The following ASAP1 variants were observed in gnomAD, a reference collection of about 807,000 sequenced individuals.
ASAP1 encodes arf-GAP with SH3 domain, ANK repeat and PH domain-containing protein 1.
In ASAP1, 43 loss-of-function variants were observed where a neutral mutation model predicts 145.2. The ratio of observed to expected loss-of-function variants is 0.30; its 90% confidence interval spans 0.23 to 0.38. ASAP1 has a LOEUF of 0.38. Ranked by LOEUF, ASAP1 falls within the 10% of genes least tolerant of loss-of-function variation. The probability of loss-of-function intolerance (pLI) is 1.00; values close to 1 mark genes in which losing one functional copy is unlikely to be tolerated. For missense variants in ASAP1, 1,018 were observed against 1,355.3 expected, an observed-to-expected ratio of 0.75 and a Z score of 3.91; for synonymous variants, 546 against 515.5, an observed-to-expected ratio of 1.06 and a Z score of -0.80.
intron 5 of ASAP1, among the ~76,000 whole-genome samples, chr8:130,197,855 G>T (rs1815607242): frequency 6.6e-6 from 1 of 152,218 alleles, no homozygotes; most frequent in Non-Finnish European, 1.5e-5. Context: ...TGGGTTCCAT[G>T]AAGGTTGCCA....
intron 11 of ASAP1, among the ~76,000 whole-genome samples, chr8:130,164,484 G>A (rs1388480883): frequency 6.6e-6 from 1 of 152,126 alleles, no homozygotes; most frequent in African/African-American, 2.4e-5. Flanking sequence ...CCAGCTACTT[G>A]GGAGGCTGAG....
intron 3 of ASAP1, among the ~76,000 whole-genome samples, chr8:130,260,586 C>T (rs1002913267): frequency 2.0e-5 from 3 of 152,212 alleles, no homozygotes; most frequent in Non-Finnish European, 4.4e-5. Context: ...GCTCCCACTC[C>T]TGTGGCTTCT....
chr8:130,335,353 A>C lies in ASAP1; in HGVS notation c.186+22664T>G, dbSNP rs1170814398. ...GGTCACTTTATGACCCCTATTTTAC[A>C]GAGGAGAAACCAAGGCTTGGAGAAA... is the stretch of plus-strand genomic sequence containing the variant. On this transcript the variant is annotated intron_variant, in intron 3 of 29. Coordinates refer to ENST00000518721, the MANE Select transcript of ASAP1 (RefSeq NM_018482.4). Among the ~76,000 whole-genome samples, 5 of 152,210 alleles carry C rather than the reference A, an allele frequency of 3.3e-5. No individual in the cohort carries two copies. In the East Asian group the frequency reaches 9.6e-4, roughly 29 times the overall value.
intron 26 of ASAP1, among the ~76,000 whole-genome samples, chr8:130,078,879 A>G (rs951992035): frequency 8.5e-5 from 13 of 152,086 alleles, no homozygotes; most frequent in Non-Finnish European, 1.5e-4. Context: ...ACAGGGTTAT[A>G]AAGAGTACAT....
chr8:130,108,757 G>GTTTTTTTTTTTTTTTTTTTTTTTTT lies in ASAP1; in HGVS notation c.2401+3312_2401+3336dup, dbSNP rs10568607. Among the ~76,000 whole-genome samples the GTTTTTTTTTTTTTTTTTTTTTTTTT allele has an allele frequency of 3.9e-5, 2 of 51,524 alleles. 1 individual carries two copies. The allele number at this position is 51,524 out of a possible 152,430, so 33.8% of individuals were successfully genotyped here. A position where few individuals can be genotyped will look rare whatever the true frequency, so the allele number is the denominator to read the frequency against. On this transcript the variant is annotated intron_variant, in intron 24 of 29. Transcript: ENST00000518721. The stretch of plus-strand genomic sequence containing the variant: ...TAATCTTGGCAAGCCTCAAAAACCA[G>GTTTTTTTTTTTTTTTTTTTTTTTTT]TTTTTTTTTTTTTTTTTTTTTTTTT...
At chr8:130,200,210 T>A (rs1238689792) in intron 5 of ASAP1, among the ~76,000 whole-genome samples, 1 of 152,190 alleles carries the variant, frequency 6.6e-6, no homozygotes, top group Non-Finnish European at 1.5e-5. Flanking sequence ...GATTTCAAAC[T>A]ATTACATTTT....
At chr8:130,419,167 A>G (rs753170161) in intron 1 of ASAP1, among the ~76,000 whole-genome samples, 6 of 152,196 alleles carry the variant, frequency 3.9e-5, no homozygotes, top group Non-Finnish European at 7.3e-5. Flanking sequence ...CAGATGGTCC[A>G]AGGACTCCCC....
At chr8:130,070,846 AGG>A (rs1239217500) in intron 27 of ASAP1, among the ~76,000 whole-genome samples, 5 of 5,976 alleles carry the variant, frequency 8.4e-4, no homozygotes, top group Non-Finnish European at 1.1e-3. Flanking sequence ...AGAGGGAGAG[AGG>A]GAGAGAGAGG....
chr8:130,133,574 T>C (rs2097586716), intron 15 of ASAP1, among the ~76,000 whole-genome samples: 1 of 151,688 alleles, frequency 6.6e-6, no homozygotes, highest in Non-Finnish European at 1.5e-5. Flanking sequence ...GAGAATGGCG[T>C]GAACCCGGGA....
At chr8:130,148,375 G>A (rs2097637947) in intron 13 of ASAP1, among the ~76,000 whole-genome samples, 1 of 152,202 alleles carries the variant, frequency 6.6e-6, no homozygotes, top group Admixed American at 6.5e-5. Context: ...TATTCACTGA[G>A]CACTAAGTAC....
intron 1 of ASAP1, among the ~76,000 whole-genome samples, chr8:130,428,178 C>T (rs2138754465): frequency 6.6e-6 from 1 of 152,168 alleles, no homozygotes; most frequent in South Asian, 2.1e-4. Flanking sequence ...GAGGAACTGT[C>T]CCTCTTCAGT....
intron 3 of ASAP1, among the ~76,000 whole-genome samples, chr8:130,295,293 C>T (rs910770255): frequency 3.3e-5 from 5 of 151,930 alleles, no homozygotes; most frequent in Admixed American, 6.6e-5. Context: ...AAAGAAAAGT[C>T]CTAAATTCTC....
chr8:130,354,337 G>A (rs919528423), intron 3 of ASAP1, among the ~76,000 whole-genome samples: 21 of 152,202 alleles, frequency 1.4e-4, no homozygotes, highest in African/African-American at 4.8e-4. Flanking sequence ...AGAGGTAAAT[G>A]TAAGCATTCA....
intron 27 of ASAP1, among the ~76,000 whole-genome samples, chr8:130,066,930 A>G (rs987430717): frequency 3.3e-5 from 5 of 152,192 alleles, no homozygotes; most frequent in Non-Finnish European, 7.4e-5. Context: ...CCAAAGCTGC[A>G]TCTTAGCATT....
chr8:130,241,216 A>G (rs1465537676), intron 3 of ASAP1, among the ~76,000 whole-genome samples: 1 of 152,112 alleles, frequency 6.6e-6, no homozygotes, highest in Non-Finnish European at 1.5e-5. Context: ...TCGGATTAAG[A>G]GTCCTTTCCC....
chr8:130,302,165 T>C (rs1822716026), intron 3 of ASAP1, among the ~76,000 whole-genome samples: 1 of 152,250 alleles, frequency 6.6e-6, no homozygotes, highest in Non-Finnish European at 1.5e-5. Context: ...TTTGCACAAA[T>C]ATTTGAAAAA....
At chr8:130,408,517 C>A (rs72726203) in intron 1 of ASAP1, among the ~76,000 whole-genome samples, 2 of 152,218 alleles carry the variant, frequency 1.3e-5, no homozygotes, top group South Asian at 2.1e-4. Flanking sequence ...TTTAGACCTT[C>A]GGGCTAGGAC....
chr8:130,152,636 C>T, intron 13 of ASAP1, 100 bp downstream of exon 13: 1 of 752,760 alleles, frequency 1.3e-6, no homozygotes, highest in Admixed American at 2.5e-5. Flanking sequence ...ATGATCTGAC[C>T]CAAATGCATA....
At chr8:130,306,379 G>T (rs1181449270) in intron 3 of ASAP1, among the ~76,000 whole-genome samples, 3 of 152,094 alleles carry the variant, frequency 2.0e-5, no homozygotes, top group Non-Finnish European at 4.4e-5. Flanking sequence ...TGGATTAATA[G>T]CTCCTTTTTA....
Sources: gnomAD v4.1 joint callset for allele counts (sites outside exome capture counted in the v4.1 genomes callset) on GRCh38, gnomAD v4.1.1 for gene constraint, MANE v1.5 for transcripts, NCBI Gene and HGNC (gene_info 2026-07-23, HGNC 2026-07-21) for gene names.